NR2C2: variants seen among roughly 807,000 people sequenced by gnomAD.
NR2C2 encodes nuclear receptor subfamily 2 group C member 2, also known as Nuclear hormone receptor TR4.
NR2C2 carries 6 observed loss-of-function variants against 62.9 expected under a neutral mutation model. The observed-to-expected ratio is 0.10, with a 90% confidence interval of 0.05 to 0.19. The LOEUF is 0.19. Ranked by LOEUF, NR2C2 falls within the 10% of genes least tolerant of loss-of-function variation. The pLI, the probability that NR2C2 is intolerant of heterozygous loss-of-function variation, is 1.00. For synonymous variants in NR2C2, 272 were observed against 273.8 expected (o/e 0.99, Z 0.07); for missense variants, 479 against 762.7 (o/e 0.63, Z 4.38).
chr3:14,964,060 C>T (rs765162439), intron 1 of NR2C2, among the ~76,000 whole-genome samples: 6 of 152,056 alleles, frequency 3.9e-5, no homozygotes, highest in Non-Finnish European at 5.9e-5. Flanking sequence ...TAAAACAAGT[C>T]CTCATTTAAC....
intron 1 of NR2C2, among the ~76,000 whole-genome samples, chr3:15,000,833 T>TG (rs2040970606): frequency 6.8e-6 from 1 of 146,770 alleles, no homozygotes; most frequent in Non-Finnish European, 1.5e-5. Context: ...TTTTTTTTTT[T>TG]TGACGGAGTC....
At chr3:15,020,692 C>G (rs1463899944) in intron 4 of NR2C2, 61 bp from the exon 5 acceptor site, 1 of 1,575,304 alleles carries the variant, frequency 6.3e-7, no homozygotes, top group African/African-American at 1.3e-5. Context: ...GACAGATCAC[C>G]TCTTTGGTGA....
intron 1 of NR2C2, among the ~76,000 whole-genome samples, chr3:14,952,514 G>T (rs1160408005): frequency 6.6e-6 from 1 of 152,170 alleles, no homozygotes; most frequent in Non-Finnish European, 1.5e-5. Flanking sequence ...ATTGGAAGTG[G>T]TCTAGACCCC....
chr3:14,969,244 CTTTTTTT>C (rs35048015), intron 1 of NR2C2, among the ~76,000 whole-genome samples: 7 of 125,814 alleles, frequency 5.6e-5, no homozygotes, highest in African/African-American at 1.8e-4. Flanking sequence ...AATAAAGATT[CTTTTTTT>C]TTTTTTTTTT....
intron 1 of NR2C2, among the ~76,000 whole-genome samples, chr3:14,955,391 A>C (rs1202154412): frequency 1.3e-5 from 2 of 152,034 alleles, no homozygotes; most frequent in African/African-American, 4.8e-5. Context: ...TAGCTTATTG[A>C]TGTAAGCAAT....
chr3:14,968,729 C>A (rs1318516087), intron 1 of NR2C2, among the ~76,000 whole-genome samples: 1 of 141,280 alleles, frequency 7.1e-6, no homozygotes, highest in Non-Finnish European at 1.5e-5. Flanking sequence ...AGACTTGGAC[C>A]CAACCCAAAT....
At chr3:14,989,053 T>A (rs1284117277) in intron 1 of NR2C2, among the ~76,000 whole-genome samples, 1 of 152,212 alleles carries the variant, frequency 6.6e-6, no homozygotes, top group Non-Finnish European at 1.5e-5. Context: ...AGCATTCACT[T>A]CATATCAGTT....
At chr3:15,024,272 C>G (rs1292655559) in intron 7 of NR2C2, 64 bp downstream of exon 7, 11 of 1,094,184 alleles carry the variant, frequency 1.0e-5, no homozygotes, top group Non-Finnish European at 1.5e-5. Context: ...GCTTCTCTAA[C>G]TGTGTGCACC....
chr3:15,002,225 C>T (rs536309808), intron 1 of NR2C2, among the ~76,000 whole-genome samples: 2 of 152,172 alleles, frequency 1.3e-5, no homozygotes, highest in Non-Finnish European at 2.9e-5. Context: ...TTTATAGAGA[C>T]CCTTTATCAG....
chr3:14,976,075 A>G (rs2040195108), intron 1 of NR2C2, among the ~76,000 whole-genome samples: 1 of 152,126 alleles, frequency 6.6e-6, no homozygotes, highest in African/African-American at 2.4e-5. Flanking sequence ...CACCCAGTCC[A>G]GATTTTCTGT....
chr3:15,032,069 C>G (rs1398279279), intron 9 of NR2C2, among the ~76,000 whole-genome samples: 1 of 152,140 alleles, frequency 6.6e-6, no homozygotes. Flanking sequence ...ACCTATGGCT[C>G]AAAATGGAAT....
At chr3:15,022,019 A>G (rs17477703) in intron 5 of NR2C2, among the ~76,000 whole-genome samples, 22,374 of 152,266 alleles carry the variant, frequency 0.15, 1,949 homozygotes, top group Middle Eastern at 0.21. Flanking sequence ...CTTTTTCTCA[A>G]TGATGAATAT....
intron 1 of NR2C2, among the ~76,000 whole-genome samples, chr3:14,950,709 C>T (rs1418940943): frequency 2.6e-5 from 4 of 152,212 alleles, no homozygotes; most frequent in African/African-American, 9.6e-5. Context: ...CCTTACCACA[C>T]TGTAAGCTGT....
intron 1 of NR2C2, among the ~76,000 whole-genome samples, chr3:14,991,672 T>C: frequency 6.6e-6 from 1 of 152,166 alleles, no homozygotes; most frequent in East Asian, 1.9e-4. Context: ...GAATAAGTTA[T>C]AGATTTGGAA....
rs992036291 is a variant in NR2C2, at chr3:14,992,059, G to A, written c.-39-11817G>A. Reference sequence around the variant, plus strand: ...ACTGCTGTGATTATAGACATGAGCCGCTGCACCTGGCCTGTGAGCATCTTC... The same window carrying A: ...ACTGCTGTGATTATAGACATGAGCCACTGCACCTGGCCTGTGAGCATCTTC... On this transcript the variant is annotated intron_variant, in intron 1 of 13. Coordinates refer to ENST00000425241, the MANE Select transcript of NR2C2 (RefSeq NM_001291694.2). Among the ~76,000 whole-genome samples the A allele has an allele frequency of 3.1e-4, 47 of 151,958 alleles. 1 individual carries two copies. The highest frequency in any genetic ancestry group is 6.5e-4 in the Non-Finnish European group (44 of 67,972).
chr3:15,024,564 C>T (rs2041769435), intron 7 of NR2C2, among the ~76,000 whole-genome samples: 3 of 152,154 alleles, frequency 2.0e-5, no homozygotes, highest in African/African-American at 4.8e-5. Flanking sequence ...GCAAAAGCCC[C>T]GGGTTCCTTT....
Position 15,032,087 on chromosome 3 carries a change from G to T in NR2C2, c.1111-292G>T, listed in dbSNP as rs543306011. ...TATGGCTCAAAATGGAATTGCCATA[G>T]AACAAATAACAGTTTAGCTGAGGCA... On this transcript the variant is annotated intron_variant, in intron 9 of 13. Transcript: ENST00000425241. 2.2e-4 allele frequency among the ~76,000 whole-genome samples: 33 copies of T among 152,304 alleles called. 4 individuals carry two copies. The highest frequency in any genetic ancestry group is 2.1e-3 in the South Asian group (10 of 4,826).
rs2039414217 is a variant in NR2C2 at position 14,952,986 on chromosome 3, T to C, written c.-40+5080T>C. ...TGAAAGCCAGATCAGGGCATTGGCG[T>C]AGGCATTTGTTAAAGGTACAATAAA... On this transcript the variant is annotated intron_variant, in intron 1 of 13. Coordinates refer to ENST00000425241, the MANE Select transcript of NR2C2 (RefSeq NM_001291694.2). Among the ~76,000 whole-genome samples the C allele has an allele frequency of 2.0e-5, 3 of 152,222 alleles. No individual in the cohort carries two copies. The South Asian group carries it at 6.2e-4, about 32-fold the overall frequency.
chr3:15,007,985 C>T (rs1383501870), intron 2 of NR2C2, among the ~76,000 whole-genome samples: 1 of 152,124 alleles, frequency 6.6e-6, no homozygotes, highest in Non-Finnish European at 1.5e-5. Context: ...CTACCAAGCC[C>T]TTTCTCGGGT....
Sources: allele counts gnomAD v4.1 joint callset (sites outside exome capture counted in the v4.1 genomes callset), GRCh38; gene constraint gnomAD v4.1.1; transcripts MANE v1.5; gene names NCBI Gene and HGNC (gene_info 2026-07-23, HGNC 2026-07-21).